The following MCTP1 variants were observed in gnomAD, a reference collection of about 807,000 sequenced individuals.
The protein encoded by MCTP1 is multiple C2 and transmembrane domain containing 1.
A neutral mutation model predicts 120.6 loss-of-function variants in MCTP1; 69 were observed. That is an observed-to-expected ratio of 0.57 (90% CI 0.47 to 0.70). MCTP1 has a LOEUF of 0.70. Ranked by LOEUF, MCTP1 falls within the 30% of genes least tolerant of loss-of-function variation. The probability of loss-of-function intolerance (pLI) is 0.00; values close to 1 mark genes in which losing one functional copy is unlikely to be tolerated. For missense variants in MCTP1, 1,203 were observed against 1,248.8 expected (o/e 0.96, Z 0.55); for synonymous variants, 529 against 493.1 (o/e 1.07, Z -0.96).
At chr5:94,740,794 A>C (rs962034684) in intron 19 of MCTP1, among the ~76,000 whole-genome samples, 1 of 152,162 alleles carries the variant, frequency 6.6e-6, no homozygotes. Flanking sequence ...AGTTGAACAG[A>C]CCCAGATGAA....
At chr5:94,834,888 G>T (rs1309003672) in intron 17 of MCTP1, among the ~76,000 whole-genome samples, 1 of 136,872 alleles carries the variant, frequency 7.3e-6, no homozygotes, top group African/African-American at 2.8e-5. Flanking sequence ...TGCAATCCCT[G>T]CTCAATGCAA....
In MCTP1 at chr5:95,243,016, G is replaced by A. The variant is rs992356591; in HGVS notation, c.720+40840C>T. The stretch of plus-strand genomic sequence containing the variant: ...CTATTTAGGACATGTGAATCCATAA[G>A]CAAGATGAATCCCAGCACTAGGAGG... On this transcript the variant is annotated intron_variant, in intron 1 of 22. Transcript: ENST00000515393. Among the ~76,000 whole-genome samples the A allele has an allele frequency of 2.0e-5, 3 of 152,138 alleles. No homozygotes were observed. The East Asian group carries it at 5.8e-4, about 29-fold the overall frequency.
chr5:94,756,781 T>C (rs1327126157), intron 19 of MCTP1, among the ~76,000 whole-genome samples: 1 of 152,234 alleles, frequency 6.6e-6, no homozygotes, highest in Non-Finnish European at 1.5e-5. Context: ...TTTATTCATA[T>C]GTATCCTTCT....
At chr5:95,236,952 C>A (rs1375471275) in intron 1 of MCTP1, among the ~76,000 whole-genome samples, 1 of 152,126 alleles carries the variant, frequency 6.6e-6, no homozygotes. Context: ...TTTAAAATGG[C>A]CTTCTTATTT....
At chr5:95,122,682 G>A (rs1358534849) in intron 1 of MCTP1, among the ~76,000 whole-genome samples, 1 of 152,182 alleles carries the variant, frequency 6.6e-6, no homozygotes, top group Non-Finnish European at 1.5e-5. Context: ...GTATATTGAA[G>A]AGGTATCTGC....
In MCTP1 at chr5:94,709,534, G is replaced by A. The variant is rs1386525595; in HGVS notation, c.2831-925C>T. On this transcript the variant is annotated intron_variant, in intron 21 of 22. Transcript: ENST00000515393. ...GAGATGACTCCACAAGCCAAGGCAG[G>A]TCTGACCCTAGGTAGATTAGAGTTA... The A allele has an allele frequency of 3.9e-5, 6 of 152,180 alleles. No individual in the cohort carries two copies. The East Asian group carries it at 9.7e-4, about 25-fold the overall frequency. The allele number at this position is 152,180 out of a possible 1,614,324, so 9.4% of individuals were successfully genotyped here.
chr5:94,955,972 G>T (rs1415425008), intron 2 of MCTP1, among the ~76,000 whole-genome samples: 1 of 152,192 alleles, frequency 6.6e-6, no homozygotes, highest in African/African-American at 2.4e-5. Flanking sequence ...TCCTGACAGG[G>T]AGACACCTCC....
chr5:94,907,976 T>G (rs1029621855), intron 10 of MCTP1, among the ~76,000 whole-genome samples: 1 of 152,068 alleles, frequency 6.6e-6, no homozygotes, highest in Non-Finnish European at 1.5e-5. Context: ...TCACCAAATA[T>G]AACTAATATT....
At chr5:94,802,956 A>G (rs1781519825) in intron 17 of MCTP1, among the ~76,000 whole-genome samples, 1 of 151,606 alleles carries the variant, frequency 6.6e-6, no homozygotes, top group South Asian at 2.1e-4. Flanking sequence ...AAATTCCTTC[A>G]CCTCCTTCAC....
chr5:94,893,393 T>TA (rs1055166983), intron 11 of MCTP1, among the ~76,000 whole-genome samples: 5 of 152,224 alleles, frequency 3.3e-5, no homozygotes, highest in Admixed American at 2.6e-4. Context: ...CAGAAGAATA[T>TA]ATTTTGGTGG....
At chr5:94,842,346 T>C (rs903225107) in intron 17 of MCTP1, among the ~76,000 whole-genome samples, 6 of 152,148 alleles carry the variant, frequency 3.9e-5, no homozygotes, top group African/African-American at 1.4e-4. Flanking sequence ...ACATCAAAAT[T>C]ACACACACAC....
chr5:94,874,386 A>T (rs565980453), intron 12 of MCTP1, among the ~76,000 whole-genome samples: 2 of 152,236 alleles, frequency 1.3e-5, no homozygotes, highest in South Asian at 4.1e-4. Context: ...CAGTGTATTT[A>T]CTTTCCATAT....
At chr5:95,221,668 G>T (rs773946067) in intron 1 of MCTP1, among the ~76,000 whole-genome samples, 3 of 152,156 alleles carry the variant, frequency 2.0e-5, no homozygotes, top group Non-Finnish European at 2.9e-5. Context: ...ATGTCAAAAC[G>T]TATGTATTCT....
chr5:95,142,185 A>T (rs1759985854), intron 1 of MCTP1, among the ~76,000 whole-genome samples: 1 of 152,136 alleles, frequency 6.6e-6, no homozygotes, highest in Admixed American at 6.5e-5. Context: ...AGTTAACTTC[A>T]ATTATTAGGG....
intron 7 of MCTP1, among the ~76,000 whole-genome samples, chr5:94,918,587 T>C (rs750025177): frequency 6.6e-5 from 10 of 152,152 alleles, no homozygotes; most frequent in Admixed American, 1.3e-4. Context: ...TTAAGAAAGA[T>C]ATAGCTGAAC....
chr5:95,100,624 G>T (rs1023456671), intron 1 of MCTP1, among the ~76,000 whole-genome samples: 1 of 152,146 alleles, frequency 6.6e-6, no homozygotes, highest in East Asian at 1.9e-4. Context: ...AAGAATAACT[G>T]CATTATCCCT....
intron 12 of MCTP1, among the ~76,000 whole-genome samples, chr5:94,875,389 G>A (rs12518627): frequency 0.078 from 11,826 of 151,768 alleles, 475 homozygotes; most frequent in Non-Finnish European, 0.09. Flanking sequence ...TTGGACAGGT[G>A]GGGGGTTGGA....
chr5:94,827,612 T>C (rs899039974), intron 17 of MCTP1, among the ~76,000 whole-genome samples: 42 of 152,286 alleles, frequency 2.8e-4, no homozygotes, highest in Non-Finnish European at 3.7e-4. Flanking sequence ...CAATCAAATG[T>C]AGGTTTGGTC....
intron 1 of MCTP1, among the ~76,000 whole-genome samples, chr5:95,059,796 A>G (rs960581838): frequency 6.6e-6 from 1 of 152,192 alleles, no homozygotes; most frequent in Non-Finnish European, 1.5e-5. Flanking sequence ...AAGGAGAAGC[A>G]TAAGTAGGAT....
Sources: allele counts gnomAD v4.1 joint callset (sites outside exome capture counted in the v4.1 genomes callset), GRCh38; gene constraint gnomAD v4.1.1; transcripts MANE v1.5; gene names NCBI Gene and HGNC (gene_info 2026-07-23, HGNC 2026-07-21).